OS9: variants seen among roughly 807,000 people sequenced by gnomAD.
The protein encoded by OS9 is protein OS-9.
Under a neutral mutation model 84.7 loss-of-function variants are expected in OS9, and 58 were observed. The observed-to-expected ratio is 0.68, with a 90% CI of 0.55 to 0.85. The LOEUF is 0.85. OS9 is among the 40% of genes least tolerant of loss of function. The pLI, the probability that OS9 is intolerant of heterozygous loss-of-function variation, is 0.00. For missense variants in OS9, 760 were observed against 850.9 expected, an observed-to-expected ratio of 0.89 and a Z score of 1.33; for synonymous variants, 278 against 320.8, an observed-to-expected ratio of 0.87 and a Z score of 1.43.
chr12:57,706,918 G>A lies in OS9; in HGVS notation c.580-8842G>A, dbSNP rs372994516. ...CATCCCCACAATATGCTACAAAACC[G>A]GTATATTGGGGGGATCGTTGTTGCT... is the stretch of plus-strand genomic sequence containing the variant. On this transcript the variant is annotated intron_variant, in intron 5 of 14. Transcript: ENST00000315970. Among the ~76,000 whole-genome samples, 64 of 148,726 alleles carry A rather than the reference G, an allele frequency of 4.3e-4. 2 individuals carry two copies. The highest frequency in any genetic ancestry group is 1.1e-3 in the African/African-American group (44 of 40,380).
chr12:57,696,464 G>A lies in OS9; in HGVS notation c.579+91G>A, dbSNP rs1031087385. Reference sequence around the variant, plus strand: ...TGCATCTTATAGTCGGGGCGGGGGCGGGGGGGGTCCCCTCCCAGACCCTAA... The same window carrying A: ...TGCATCTTATAGTCGGGGCGGGGGCAGGGGGGGTCCCCTCCCAGACCCTAA... On this transcript the variant is annotated intron_variant, in intron 5 of 14. Coordinates refer to ENST00000315970, the MANE Select transcript of OS9 (RefSeq NM_006812.4). 612 of 430,098 alleles carry A rather than the reference G, an allele frequency of 1.4e-3. 42 individuals carry two copies. Among genetic ancestry groups the A allele is most frequent in the African/African-American group, 0.012 (345 of 27,780 alleles). The allele number at this position is 430,098 out of a possible 1,614,324, so 26.6% of individuals were successfully genotyped here. A position where few individuals can be genotyped will look rare whatever the true frequency, so the allele number is the denominator to read the frequency against.
At chr12:57,713,293 G>C (rs961436964) in intron 5 of OS9, among the ~76,000 whole-genome samples, 2 of 152,178 alleles carry the variant, frequency 1.3e-5, no homozygotes, top group African/African-American at 4.8e-5. Flanking sequence ...CTTACGGACT[G>C]CCTCTCCCCC....
At chr12:57,703,374 A>G (rs770350008) in intron 5 of OS9, among the ~76,000 whole-genome samples, 1 of 152,184 alleles carries the variant, frequency 6.6e-6, no homozygotes, top group Non-Finnish European at 1.5e-5. Flanking sequence ...AGGTGGGATT[A>G]TAGGGGTGTG....
Position 57,716,747 on chromosome 12 carries a change from G to A in OS9, c.1045+3G>A. ...TTCAGCTTCTGGTGCTCCCAATGGT[G>A]AGTGAACCTTCCATGTCTCCTTTAC... On this transcript the variant is annotated splice_donor_region_variant and intron_variant, in intron 9 of 14. Transcript: ENST00000315970. 3.7e-6 allele frequency: 6 copies of A among 1,612,918 alleles called. No homozygotes were observed. The highest frequency in any genetic ancestry group is 5.1e-6 in the Non-Finnish European group (6 of 1,178,870).
chr12:57,718,819 C>T (rs1356418719), intron 11 of OS9, among the ~76,000 whole-genome samples, 174 bp from the exon 12 acceptor site: 7 of 151,262 alleles, frequency 4.6e-5, no homozygotes, highest in Admixed American at 1.3e-4. Flanking sequence ...GCAAGAGAAT[C>T]GCTCGAACCC....
intron 11 of OS9, 123 bp downstream of exon 11, chr12:57,718,544 T>A: frequency 9.8e-7 from 1 of 1,018,458 alleles, no homozygotes; most frequent in Non-Finnish European, 1.4e-6. Context: ...TTGGAAGTGG[T>A]AGCTGTTTCC....
In OS9 at chr12:57,720,266, G is replaced by A. The variant is rs765450299; in HGVS notation, c.1765+3G>A. The A allele has an allele frequency of 5.6e-5, 91 of 1,613,592 alleles. 1 individual carries two copies. In the South Asian group the frequency reaches 9.2e-4, roughly 16 times the overall value. ...GAGGGAGGGACTCACAGCTGCAGGT[G>A]GGCCCTGGAGGGCGGCTGGACCCAG... is the stretch of plus-strand genomic sequence containing the variant. On this transcript the variant is annotated splice_donor_region_variant and intron_variant, in intron 13 of 14. Coordinates refer to ENST00000315970, the MANE Select transcript of OS9 (RefSeq NM_006812.4).
At chr12:57,702,099 A>G (rs1294513361) in intron 5 of OS9, among the ~76,000 whole-genome samples, 1 of 152,118 alleles carries the variant, frequency 6.6e-6, no homozygotes, top group Non-Finnish European at 1.5e-5. Flanking sequence ...CTGGCCCTCA[A>G]TTTTTTTAAT....
intron 5 of OS9, among the ~76,000 whole-genome samples, chr12:57,703,951 T>C (rs1315359531): frequency 6.6e-6 from 1 of 152,218 alleles, no homozygotes; most frequent in Non-Finnish European, 1.5e-5. Context: ...GGGTTTTTCT[T>C]ATATGGACTT....
At chr12:57,699,765 A>G (rs527946039) in intron 5 of OS9, among the ~76,000 whole-genome samples, 39 of 152,334 alleles carry the variant, frequency 2.6e-4, no homozygotes, top group African/African-American at 8.9e-4. Flanking sequence ...CAATTTGAGC[A>G]GAGTTGTGAA....
chr12:57,715,500 G>T (rs997081777), intron 5 of OS9, among the ~76,000 whole-genome samples: 1 of 152,210 alleles, frequency 6.6e-6, no homozygotes, highest in East Asian at 1.9e-4. Flanking sequence ...TTCAGTTCCT[G>T]TTTTTACCAC....
At chr12:57,706,592 C>T (rs1210954650) in intron 5 of OS9, among the ~76,000 whole-genome samples, 1 of 151,910 alleles carries the variant, frequency 6.6e-6, no homozygotes, top group Non-Finnish European at 1.5e-5. Context: ...TGGCTCATGC[C>T]TGTAATCCCA....
intron 5 of OS9, among the ~76,000 whole-genome samples, chr12:57,702,216 T>A (rs1173917991): frequency 6.6e-6 from 1 of 152,206 alleles, no homozygotes; most frequent in Non-Finnish European, 1.5e-5. Flanking sequence ...TTTCCAAAAC[T>A]TTTTTCATCA....
At chr12:57,713,045 G>A (rs1565777162) in intron 5 of OS9, among the ~76,000 whole-genome samples, 1 of 152,092 alleles carries the variant, frequency 6.6e-6, no homozygotes, top group South Asian at 2.1e-4. Flanking sequence ...AGTTTTTGAG[G>A]GCAATATATA....
At chr12:57,697,963 A>C (rs1380062503) in intron 5 of OS9, among the ~76,000 whole-genome samples, 2 of 147,576 alleles carry the variant, frequency 1.4e-5, no homozygotes, top group African/African-American at 2.5e-5. Flanking sequence ...ACACACACAC[A>C]CACCCTATTG....
At chr12:57,716,039 T>G in intron 6 of OS9, 53 bp from the exon 7 acceptor site, 1 of 1,592,280 alleles carries the variant, frequency 6.3e-7, no homozygotes, top group East Asian at 2.2e-5. Flanking sequence ...GATCAAGTAT[T>G]GAATAGCTGG....
chr12:57,700,605 G>A (rs1953992582), intron 5 of OS9, among the ~76,000 whole-genome samples: 1 of 152,176 alleles, frequency 6.6e-6, no homozygotes, highest in Admixed American at 6.5e-5. Flanking sequence ...GTTGTTTAAA[G>A]TGCAGTCTCT....
Position 57,715,763 on chromosome 12 carries a change from C to A in OS9, c.583C>A (p.Leu195Ile). The A allele has an allele frequency of 6.2e-7, 1 of 1,601,304 alleles. No homozygotes were observed. The highest frequency in any genetic ancestry group is 1.1e-5 in the South Asian group (1 of 89,326). The change falls in exon 6 of 15, where the codon CTC becomes ATC. Residue 195 changes from leucine to isoleucine, a missense_variant. Physicochemically the swap from Leu to Ile is conservative, Grantham distance 5 (BLOSUM62 2). Coordinates refer to ENST00000315970, the MANE Select transcript of OS9 (RefSeq NM_006812.4). ...GRPREAEVRF[L>I]CDEGAGISGD... ...TTCATCCTTTCTGTCCTGGCAGTTCCTCTGTGACGAGGGTGCAGGTATCTC... is the reference window on the plus strand; with the variant it reads ...TTCATCCTTTCTGTCCTGGCAGTTCATCTGTGACGAGGGTGCAGGTATCTC...
In OS9 at chr12:57,695,950, C is replaced by T. The variant is rs755932448; in HGVS notation, c.404-12C>T. On this transcript the variant is annotated splice_polypyrimidine_tract_variant and intron_variant, in intron 3 of 14. Transcript: ENST00000315970. ...TAAGAGTAACAGTGCTTCACTGTGG[C>T]TTCCCTTGCAGATTCAGAGATCAAA... 3 of 1,609,170 alleles carry T rather than the reference C, an allele frequency of 1.9e-6. No individual in the cohort carries two copies. In the East Asian group the frequency reaches 6.7e-5, roughly 36 times the overall value.
Sources: allele counts gnomAD v4.1 joint callset (sites outside exome capture counted in the v4.1 genomes callset), GRCh38; gene constraint gnomAD v4.1.1; transcripts MANE v1.5; gene names NCBI Gene and HGNC (gene_info 2026-07-23, HGNC 2026-07-21).